The following DIS3L2 variants were observed in gnomAD, a reference collection of about 807,000 sequenced individuals.
The protein encoded by DIS3L2 is DIS3-like exonuclease 2.
In DIS3L2, 34 loss-of-function variants were observed where a neutral mutation model predicts 97.5. That is an observed-to-expected ratio of 0.35 (90% CI 0.27 to 0.46). The LOEUF (loss-of-function observed/expected upper bound fraction) is 0.46. Among genes scored for constraint, DIS3L2 ranks in the 20% least tolerant of loss-of-function variants. The probability of loss-of-function intolerance (pLI) is 1.00; values close to 1 mark genes in which losing one functional copy is unlikely to be tolerated. For missense variants in DIS3L2, 1,038 were observed against 1,146.0 expected (o/e 0.91, Z 1.36); for synonymous variants, 435 against 445.2 (o/e 0.98, Z 0.29).
chr2:231,973,827 G>A (rs1261667919), intron 1 of DIS3L2, among the ~76,000 whole-genome samples: 1 of 152,118 alleles, frequency 6.6e-6, no homozygotes, highest in Non-Finnish European at 1.5e-5. Flanking sequence ...TGAGTTTAAT[G>A]TGGAGAACTG....
At chr2:232,175,756 T>C (rs1691132770) in intron 9 of DIS3L2, among the ~76,000 whole-genome samples, 1 of 152,126 alleles carries the variant, frequency 6.6e-6, no homozygotes, top group African/African-American at 2.4e-5. Context: ...AGTAAAGCCA[T>C]CTGGCCCTGT....
At chr2:232,117,040 T>C (rs1697744328) in intron 6 of DIS3L2, among the ~76,000 whole-genome samples, 1 of 152,204 alleles carries the variant, frequency 6.6e-6, no homozygotes, top group Non-Finnish European at 1.5e-5. Flanking sequence ...CCCTTGGCTC[T>C]GACACTCATT....
intron 1 of DIS3L2, among the ~76,000 whole-genome samples, chr2:232,010,214 G>T (rs549032197): frequency 1.3e-5 from 2 of 152,050 alleles, no homozygotes; most frequent in Non-Finnish European, 2.9e-5. Context: ...TGCTTTAGGG[G>T]TTAATATTTG....
At chr2:232,115,210 T>C (rs1167544336) in intron 6 of DIS3L2, among the ~76,000 whole-genome samples, 2 of 151,814 alleles carry the variant, frequency 1.3e-5, no homozygotes, top group African/African-American at 4.8e-5. Context: ...ATTCAAACCA[T>C]AGCAGGAAGT....
At position 232,324,021 on chromosome 2, in the gene DIS3L2, C is replaced by T. The variant is rs572116400; in HGVS notation, c.1740-5792C>T. Among the ~76,000 whole-genome samples the T allele has an allele frequency of 9.8e-5, 15 of 152,338 alleles. No homozygotes were observed. The East Asian group carries it at 2.9e-3, about 29-fold the overall frequency. On this transcript the variant is annotated intron_variant, in intron 14 of 20. Transcript: ENST00000325385. ...CCTGCAATTCAGTGCTCCGTAGACC[C>T]CTGCCTCCCAGGGCTCTGCGGTTTC...
intron 5 of DIS3L2, among the ~76,000 whole-genome samples, chr2:232,053,912 G>A (rs940313691): frequency 2.6e-5 from 4 of 152,084 alleles, no homozygotes; most frequent in Admixed American, 6.5e-5. Context: ...CCAGCCCCTC[G>A]TCCCTTTCTG....
intron 9 of DIS3L2, among the ~76,000 whole-genome samples, chr2:232,200,354 A>G (rs923434731): frequency 6.6e-6 from 1 of 152,318 alleles, no homozygotes; most frequent in African/African-American, 2.4e-5. Context: ...GGCAATGAGC[A>G]TATCTTATGC....
intron 9 of DIS3L2, among the ~76,000 whole-genome samples, chr2:232,165,392 T>C (rs1307077967): frequency 6.6e-6 from 1 of 152,076 alleles, no homozygotes; most frequent in Non-Finnish European, 1.5e-5. Flanking sequence ...TCAAAGTATA[T>C]ATGCATAGAA....
rs1693984715 is a variant in DIS3L2 at position 232,004,156 on chromosome 2, T to G, written c.-93-10679T>G. Reference sequence around the variant, plus strand: ...GGCATGATCTTGGCTCACTGCAACCTCTGCCTCCCAGGTTCAAGCAATTCT... The same window carrying G: ...GGCATGATCTTGGCTCACTGCAACCGCTGCCTCCCAGGTTCAAGCAATTCT... On this transcript the variant is annotated intron_variant, in intron 1 of 20. Coordinates refer to ENST00000325385, the MANE Select transcript of DIS3L2 (RefSeq NM_152383.5). Among the ~76,000 whole-genome samples the G allele has an allele frequency of 2.0e-5, 3 of 152,264 alleles. No individual in the cohort carries two copies. In the South Asian group the frequency reaches 6.2e-4, roughly 32 times the overall value.
chr2:232,061,644 C>G (rs1695709926), intron 5 of DIS3L2, among the ~76,000 whole-genome samples: 1 of 152,168 alleles, frequency 6.6e-6, no homozygotes. Context: ...GCCAGTCTAG[C>G]CTCAGAGTTG....
chr2:231,975,006 C>T (rs923286388), intron 1 of DIS3L2, among the ~76,000 whole-genome samples: 7 of 152,106 alleles, frequency 4.6e-5, no homozygotes, highest in Admixed American at 2.0e-4. Flanking sequence ...GTAGTTTTAT[C>T]GTTTGTCTCA....
intron 9 of DIS3L2, among the ~76,000 whole-genome samples, chr2:232,188,472 T>C (rs1295114349): frequency 6.6e-6 from 1 of 152,184 alleles, no homozygotes; most frequent in Non-Finnish European, 1.5e-5. Context: ...CGCAGTTCAA[T>C]GTAGGAAGGA....
chr2:232,286,440 T>TA (rs1694435925), intron 13 of DIS3L2, among the ~76,000 whole-genome samples: 1 of 152,202 alleles, frequency 6.6e-6, no homozygotes, highest in African/African-American at 2.4e-5. Flanking sequence ...GTTTCCCAGA[T>TA]ACTGCTCAGG....
intron 11 of DIS3L2, among the ~76,000 whole-genome samples, chr2:232,246,938 T>G (rs973784458): frequency 6.5e-4 from 1 of 1,546 alleles, no homozygotes; most frequent in South Asian, 0.029. Context: ...TATTTGGATT[T>G]CACTAGTTTT....
intron 7 of DIS3L2, among the ~76,000 whole-genome samples, chr2:232,132,885 G>A (rs1277030047): frequency 6.6e-6 from 1 of 152,144 alleles, no homozygotes; most frequent in Non-Finnish European, 1.5e-5. Context: ...AACATTCAGA[G>A]ACACTGGACA....
intron 3 of DIS3L2, among the ~76,000 whole-genome samples, chr2:232,019,994 TGAA>T (rs1694467496): frequency 6.6e-6 from 1 of 151,612 alleles, no homozygotes. Context: ...ATCAGCCAAT[TGAA>T]GAATTAGGAG....
chr2:232,308,680 C>A (rs1695044411), intron 14 of DIS3L2, among the ~76,000 whole-genome samples: 2 of 152,124 alleles, frequency 1.3e-5, no homozygotes, highest in Admixed American at 1.3e-4. Context: ...ACATCCTCTC[C>A]CCAGCCCACA....
rs551793252 is a variant in DIS3L2 at position 232,042,023 on chromosome 2, A to G, written c.366+11943A>G. Among the ~76,000 whole-genome samples the G allele has an allele frequency of 3.3e-5, 5 of 152,342 alleles. No homozygotes were observed. In the South Asian group the frequency reaches 1.0e-3, roughly 32 times the overall value. ...GCAAAGTCTATACATGATTTAAGGA[A>G]GTAGCGTTCAGCAAGGGAATAATAG... On this transcript the variant is annotated intron_variant, in intron 5 of 20. Coordinates refer to ENST00000325385, the MANE Select transcript of DIS3L2 (RefSeq NM_152383.5).
intron 6 of DIS3L2, among the ~76,000 whole-genome samples, chr2:232,090,477 C>G (rs1029191412): frequency 1.3e-5 from 2 of 152,134 alleles, no homozygotes; most frequent in Non-Finnish European, 2.9e-5. Context: ...TTCTTGCCCT[C>G]TTGATATTTA....
Sources: allele counts gnomAD v4.1 joint callset (sites outside exome capture counted in the v4.1 genomes callset), GRCh38; gene constraint gnomAD v4.1.1; transcripts MANE v1.5; gene names NCBI Gene and HGNC (gene_info 2026-07-23, HGNC 2026-07-21).